The following SGIP1 variants were observed in gnomAD, a reference collection of about 807,000 sequenced individuals.
SGIP1 encodes the protein SH3GL interacting endocytic adaptor 1, also known as SH3-containing GRB2-like protein 3-interacting protein 1.
A neutral mutation model predicts 107.5 loss-of-function variants in SGIP1; 38 were observed. The ratio of observed to expected loss-of-function variants is 0.35; its 90% CI spans 0.27 to 0.46. The LOEUF (loss-of-function observed/expected upper bound fraction) is 0.46, where lower values mean the gene tolerates loss of function less well. SGIP1 is among the 20% of genes least tolerant of loss of function. The pLI, the probability that SGIP1 is intolerant of heterozygous loss-of-function variation, is 1.00. For synonymous variants in SGIP1, 365 were observed against 366.1 expected (o/e 1.00, Z 0.03); for missense variants, 929 against 1,019.5 (o/e 0.91, Z 1.21).
chr1:66,660,482 T>G (rs756908548), intron 7 of SGIP1, 31 bp from the exon 8 acceptor site: 8 of 1,603,746 alleles, frequency 5.0e-6, no homozygotes, highest in Non-Finnish European at 6.8e-6. Flanking sequence ...CATTTTCTCT[T>G]TATTCTTCCT....
At chr1:66,560,102 C>G (rs1254685479) in intron 1 of SGIP1, among the ~76,000 whole-genome samples, 1 of 152,014 alleles carries the variant, frequency 6.6e-6, no homozygotes, top group Admixed American at 6.6e-5. Flanking sequence ...CATCACAGAT[C>G]TGCAGCAGAG....
At chr1:66,611,055 T>C (rs1024309126) in intron 1 of SGIP1, among the ~76,000 whole-genome samples, 5 of 152,060 alleles carry the variant, frequency 3.3e-5, no homozygotes, top group Non-Finnish European at 7.4e-5. Flanking sequence ...AGGTGATGGA[T>C]GCACCAAAAT....
intron 4 of SGIP1, among the ~76,000 whole-genome samples, chr1:66,639,112 T>C (rs755146105): frequency 6.6e-6 from 1 of 152,202 alleles, no homozygotes; most frequent in Non-Finnish European, 1.5e-5. Context: ...TCCAGTAAAC[T>C]TGCAATGATG....
intron 18 of SGIP1, among the ~76,000 whole-genome samples, chr1:66,698,794 G>A (rs2091421989): frequency 6.6e-6 from 1 of 151,954 alleles, no homozygotes; most frequent in Non-Finnish European, 1.5e-5. Context: ...AGATATGACT[G>A]TTAGCTATTT....
intron 1 of SGIP1, among the ~76,000 whole-genome samples, chr1:66,557,294 C>T (rs2148382116): frequency 6.6e-6 from 1 of 152,148 alleles, no homozygotes; most frequent in African/African-American, 2.4e-5. Context: ...TGGAATTTTC[C>T]CATTCCATAC....
At chr1:66,736,155 T>A (rs1419082373) in intron 21 of SGIP1, among the ~76,000 whole-genome samples, 1 of 147,214 alleles carries the variant, frequency 6.8e-6, no homozygotes, top group Non-Finnish European at 1.5e-5. Flanking sequence ...CTATAACATA[T>A]AAAATAACAC....
chr1:66,578,519 A>G (rs1434408824), intron 1 of SGIP1, among the ~76,000 whole-genome samples: 4 of 152,202 alleles, frequency 2.6e-5, no homozygotes, highest in African/African-American at 7.2e-5. Flanking sequence ...CAAGGTAGGT[A>G]AAGCAATTGT....
chr1:66,590,325 G>C (rs1010217803), intron 1 of SGIP1: 1 of 152,134 alleles, frequency 6.6e-6, no homozygotes, highest in African/African-American at 2.4e-5. Context: ...ACCCACATCT[G>C]TTTGATTAAG....
intron 1 of SGIP1, among the ~76,000 whole-genome samples, chr1:66,575,680 T>C (rs969263237): frequency 2.6e-5 from 4 of 152,188 alleles, no homozygotes; most frequent in Non-Finnish European, 5.9e-5. Context: ...CTTCTAACGC[T>C]GTATACCCTA....
At chr1:66,692,047 C>G (rs1203157878) in intron 17 of SGIP1, among the ~76,000 whole-genome samples, 1 of 151,280 alleles carries the variant, frequency 6.6e-6, no homozygotes, top group Non-Finnish European at 1.5e-5. Flanking sequence ...TAGTCCCAGC[C>G]ACTTGGGAGG....
intron 18 of SGIP1, chr1:66,704,893 A>G (rs954753408): frequency 5.3e-5 from 8 of 152,214 alleles, no homozygotes; most frequent in Non-Finnish European, 1.2e-4. Flanking sequence ...TTACTTGTGA[A>G]AGGCTTTTGC....
At chr1:66,734,024 A>G in intron 21 of SGIP1, 144 bp downstream of exon 21, 1 of 909,080 alleles carries the variant, frequency 1.1e-6, no homozygotes. Context: ...TGGAAACTTT[A>G]AAAGATAACT....
chr1:66,612,003 C>A (rs2068120062), intron 1 of SGIP1, among the ~76,000 whole-genome samples: 1 of 148,710 alleles, frequency 6.7e-6, no homozygotes, highest in South Asian at 2.2e-4. Context: ...TAAGGAAATA[C>A]CTGAGACTGG....
At chr1:66,623,432 G>A (rs1436041224) in intron 1 of SGIP1, among the ~76,000 whole-genome samples, 1 of 151,996 alleles carries the variant, frequency 6.6e-6, no homozygotes, top group Admixed American at 6.6e-5. Context: ...TGTATTTTTA[G>A]TAGAGACGGG....
chr1:66,662,530 G>C (rs1359149178), intron 8 of SGIP1, among the ~76,000 whole-genome samples: 1 of 152,184 alleles, frequency 6.6e-6, no homozygotes, highest in Non-Finnish European at 1.5e-5. Context: ...GAACTGCCGT[G>C]TCATAGAAGA....
chr1:66,550,752 A>G (rs536372808), intron 1 of SGIP1, among the ~76,000 whole-genome samples: 1 of 152,298 alleles, frequency 6.6e-6, no homozygotes, highest in South Asian at 2.1e-4. Flanking sequence ...AATTATTTCT[A>G]TTACACAGAT....
intron 8 of SGIP1, among the ~76,000 whole-genome samples, chr1:66,665,404 C>A (rs1179994133): frequency 6.6e-6 from 1 of 152,176 alleles, no homozygotes; most frequent in Non-Finnish European, 1.5e-5. Flanking sequence ...CAAGTCTTTG[C>A]TATTGTGAAT....
At chr1:66,550,364 A>G (rs2057225354) in intron 1 of SGIP1, among the ~76,000 whole-genome samples, 1 of 152,238 alleles carries the variant, frequency 6.6e-6, no homozygotes, top group East Asian at 1.9e-4. Flanking sequence ...AAAGTTTCTC[A>G]TAACTGGCTT....
chr1:66,618,837 CACGGT>C (rs1019928115), intron 1 of SGIP1, among the ~76,000 whole-genome samples: 1 of 152,154 alleles, frequency 6.6e-6, no homozygotes, highest in Non-Finnish European at 1.5e-5. Flanking sequence ...TGGAAAGTAG[CACGGT>C]ACCTCTTAGA....
Sources: allele counts gnomAD v4.1 joint callset (sites outside exome capture counted in the v4.1 genomes callset), GRCh38; gene constraint gnomAD v4.1.1; transcripts MANE v1.5; gene names NCBI Gene and HGNC (gene_info 2026-07-23, HGNC 2026-07-21).